The following DCAKD variants were observed in gnomAD, a reference collection of about 807,000 sequenced individuals.
The protein encoded by DCAKD is dephospho-CoA kinase domain-containing protein.
Under a neutral mutation model 18.7 loss-of-function variants are expected in DCAKD, and 15 were observed. The observed-to-expected ratio is 0.80, with a 90% CI of 0.54 to 1.24. The LOEUF is 1.24. Ranked by LOEUF, DCAKD falls within the 50% of genes most tolerant of loss-of-function variation. The pLI, the probability that DCAKD is intolerant of heterozygous loss-of-function variation, is 0.00. For synonymous variants in DCAKD, 130 were observed against 133.0 expected, an observed-to-expected ratio of 0.98 and a Z score of 0.16; for missense variants, 301 against 322.0, an observed-to-expected ratio of 0.93 and a Z score of 0.50.
chr17:45,034,706 G>T, intron 2 of DCAKD, 68 bp downstream of exon 2: 2 of 1,503,630 alleles, frequency 1.3e-6, no homozygotes, highest in Non-Finnish European at 1.8e-6. Flanking sequence ...AAAAAAGGAG[G>T]CATGGCAGAA....
At chr17:45,040,811 G>A (rs2053417499) in intron 1 of DCAKD, among the ~76,000 whole-genome samples, 9 of 152,140 alleles carry the variant, frequency 5.9e-5, no homozygotes, top group Admixed American at 5.9e-4. Context: ...AGATTCTATT[G>A]TGCTCCACAA....
At chr17:45,026,742 G>A (rs748426660) in intron 4 of DCAKD, 2 of 985,408 alleles carry the variant, frequency 2.0e-6, no homozygotes, top group Non-Finnish European at 2.4e-6. Flanking sequence ...TCAGTGTACT[G>A]TGGCCATTGT....
chr17:45,027,927 A>G (rs2053088150), intron 4 of DCAKD, among the ~76,000 whole-genome samples: 1 of 150,310 alleles, frequency 6.7e-6, no homozygotes, highest in South Asian at 2.1e-4. Context: ...CAGAGGTTGC[A>G]GTGAGCTGAG....
intron 3 of DCAKD, among the ~76,000 whole-genome samples, 191 bp from the exon 4 acceptor site, chr17:45,030,370 T>A (rs1292249035): frequency 6.6e-6 from 1 of 152,210 alleles, no homozygotes; most frequent in African/African-American, 2.4e-5. Flanking sequence ...TCTGGATAGC[T>A]GATCAGGGAA....
chr17:45,031,933 G>A (rs1023926455), intron 3 of DCAKD: 25 of 985,266 alleles, frequency 2.5e-5, no homozygotes, highest in East Asian at 1.1e-4. Context: ...CACAGCTGTC[G>A]TCCTCATTTT....
chr17:45,052,862 C>CA (rs200577686), upstream of DCAKD, among the ~76,000 whole-genome samples: 696 of 149,510 alleles, frequency 4.7e-3, 2 homozygotes, highest in African/African-American at 0.016. Context: ...GACCTTGCCT[C>CA]AAAAAAAATA....
Position 45,024,430 on chromosome 17 carries a change from C to G in DCAKD, c.*3G>C. On this transcript the variant is annotated 3_prime_UTR_variant, in exon 5 of 5. Coordinates refer to ENST00000651974, the MANE Select transcript of DCAKD (RefSeq NM_001288655.2). ...CCTGGGGCTCCCTGCCTTGAGTGCCCCACTAGGCGTAAGGCAGAAGGTAGT... is the reference window on the plus strand; with the variant it reads ...CCTGGGGCTCCCTGCCTTGAGTGCCGCACTAGGCGTAAGGCAGAAGGTAGT... 6.3e-7 allele frequency: 1 copy of G among 1,592,782 alleles called. No homozygotes were observed. Among genetic ancestry groups the G allele is most frequent in the African/African-American group, 1.3e-5 (1 of 74,632 alleles).
chr17:45,056,836 CCGCT>C (rs1244165222), intron 1 of DCAKD, among the ~76,000 whole-genome samples: 11 of 150,808 alleles, frequency 7.3e-5, no homozygotes, highest in Non-Finnish European at 1.5e-4. Context: ...GGCGTGATCT[CCGCT>C]CACTGCAAGC....
chr17:45,053,289 G>A (rs1050395066), upstream of DCAKD, among the ~76,000 whole-genome samples: 17 of 144,472 alleles, frequency 1.2e-4, no homozygotes, highest in Admixed American at 5.0e-4. Flanking sequence ...ACAGAGTTTC[G>A]CTCTATTGCC....
chr17:45,050,866 T>C (rs1472510780), intron 1 of DCAKD, among the ~76,000 whole-genome samples: 1 of 152,214 alleles, frequency 6.6e-6, no homozygotes, highest in Non-Finnish European at 1.5e-5. Context: ...AACGCCTCCT[T>C]TGCGGAGCTG....
chr17:45,057,635 A>T (rs954483354), intron 1 of DCAKD, among the ~76,000 whole-genome samples: 6 of 150,892 alleles, frequency 4.0e-5, no homozygotes, highest in Admixed American at 6.6e-5. Context: ...TCCAGGAGGC[A>T]GAGGTTGCAG....
intron 1 of DCAKD, among the ~76,000 whole-genome samples, chr17:45,044,332 G>C (rs1453543738): frequency 6.6e-6 from 1 of 152,092 alleles, no homozygotes; most frequent in African/African-American, 2.4e-5. Flanking sequence ...CCCCCCATCA[G>C]AGACTGTCAG....
intron 3 of DCAKD, among the ~76,000 whole-genome samples, chr17:45,032,926 A>G (rs909798637): frequency 6.6e-6 from 1 of 152,226 alleles, no homozygotes; most frequent in Non-Finnish European, 1.5e-5. Flanking sequence ...GCAAATCTCC[A>G]GCAGCCCTAG....
At chr17:45,046,240 G>A (rs896547668) in intron 1 of DCAKD, among the ~76,000 whole-genome samples, 3 of 152,186 alleles carry the variant, frequency 2.0e-5, no homozygotes, top group Admixed American at 2.0e-4. Flanking sequence ...GTGGGAGAGA[G>A]TGCCTAGGAA....
chr17:45,060,995 T>G, exon 1 of DCAKD: 1 of 1,067,330 alleles, frequency 9.4e-7, no homozygotes, highest in Non-Finnish European at 1.1e-6. Context: ...CCTCCACGCC[T>G]GAAACCCTAA....
exon 1 of DCAKD, chr17:45,060,975 G>T: frequency 9.7e-7 from 1 of 1,030,358 alleles, no homozygotes. Context: ...TCAAACCTCG[G>T]ATTTTGGAAC....
At chr17:45,033,181 A>AAAAAT (rs10628158) in intron 3 of DCAKD, among the ~76,000 whole-genome samples, 22,050 of 151,042 alleles carry the variant, frequency 0.15, 1,883 homozygotes, top group East Asian at 0.28. Flanking sequence ...CCCCATCTCT[A>AAAAAT]AAAATAAAAT....
chr17:45,048,206 TAGTG>T (rs1027640843), intron 1 of DCAKD, among the ~76,000 whole-genome samples: 6 of 148,986 alleles, frequency 4.0e-5, no homozygotes, highest in Non-Finnish European at 1.5e-5. Flanking sequence ...CTGGGCAACA[TAGTG>T]AGACTCTGTC....
chr17:45,045,878 T>C (rs59166215), intron 1 of DCAKD, among the ~76,000 whole-genome samples: 1 of 152,072 alleles, frequency 6.6e-6, no homozygotes, highest in African/African-American at 2.4e-5. Flanking sequence ...CAGGCTGGAA[T>C]GCAATGGTGC....
Sources: gnomAD v4.1 joint callset for allele counts (sites outside exome capture counted in the v4.1 genomes callset) on GRCh38, gnomAD v4.1.1 for gene constraint, MANE v1.5 for transcripts, NCBI Gene and HGNC (gene_info 2026-07-23, HGNC 2026-07-21) for gene names.